CHRDL1: variants seen among roughly 807,000 people sequenced by gnomAD.
CHRDL1 encodes chordin-like protein 1.
A neutral mutation model predicts 40.9 loss-of-function variants in CHRDL1; 19 were observed. That is an observed-to-expected ratio of 0.46 (90% confidence interval 0.32 to 0.68). The LOEUF (loss-of-function observed/expected upper bound fraction) is 0.68. Ranked by LOEUF, CHRDL1 falls within the 30% of genes least tolerant of loss-of-function variation. The probability of loss-of-function intolerance (pLI) is 0.03; values close to 1 mark genes in which losing one functional copy is unlikely to be tolerated. For missense variants in CHRDL1, 329 were observed against 352.1 expected (o/e 0.93, Z 0.53); for synonymous variants, 136 against 123.4 (o/e 1.10, Z -0.68).
chrX:110,734,240 G>A (rs756931664), intron 4 of CHRDL1, among the ~76,000 whole-genome samples: 1 of 111,622 alleles, frequency 9.0e-6, no homozygotes, highest in Non-Finnish European at 1.9e-5. Context: ...ATACAAAGCA[G>A]GGGGGCTGAG....
rs902802144 is a variant in CHRDL1, at chrX:110,786,750, C to T, written c.94+5338G>A. Among the ~76,000 whole-genome samples, 27 of 112,420 alleles carry T rather than the reference C, an allele frequency of 2.4e-4. No individual in the cohort carries two copies. In the Admixed American group the frequency reaches 2.5e-3, roughly 11 times the overall value. On this transcript the variant is annotated intron_variant, in intron 2 of 11. Transcript: ENST00000372042. Reference sequence around the variant, plus strand: ...ACGCACATACTTTTAACCTTCCTCACTACTTTCCTTTGGCTTAGCAAATGT... The same window carrying T: ...ACGCACATACTTTTAACCTTCCTCATTACTTTCCTTTGGCTTAGCAAATGT...
rs1170824679 is a variant in CHRDL1 at position 110,676,444 on chromosome X, T to C, written c.1247-83A>G. 2.4e-5 allele frequency: 22 copies of C among 918,358 alleles called. No individual in the cohort carries two copies. In the South Asian group the frequency reaches 5.4e-4, roughly 23 times the overall value. 75.7% of individuals were successfully genotyped at this position (918,358 alleles called of 1,213,427 possible). A position where few individuals can be genotyped will look rare whatever the true frequency, so the allele number is the denominator to read the frequency against. On this transcript the variant is annotated intron_variant, in intron 11 of 11. Transcript: ENST00000372042. ...TTAGGAATAGAACCAATATACCCCA[T>C]GCTTACCCACTTACTCATGGACCTA...
chrX:110,750,659 T>C (rs1210544487), intron 4 of CHRDL1, among the ~76,000 whole-genome samples: 1 of 111,898 alleles, frequency 8.9e-6, no homozygotes, highest in African/African-American at 3.2e-5. Context: ...ATGCCATTCA[T>C]TTCTCGCCAA....
At chrX:110,768,794 T>C (rs2089706226) in intron 2 of CHRDL1, among the ~76,000 whole-genome samples, 1 of 111,191 alleles carries the variant, frequency 9.0e-6, no homozygotes, top group Admixed American at 9.5e-5. Context: ...GAGCCACTAA[T>C]GGCTTCTTTG....
intron 2 of CHRDL1, among the ~76,000 whole-genome samples, chrX:110,770,428 T>C (rs1365154182): frequency 9.0e-6 from 1 of 110,559 alleles, no homozygotes; most frequent in Non-Finnish European, 1.9e-5. Context: ...TAGAAGGAAA[T>C]TCGTATCACT....
chrX:110,782,494 A>G (rs1172118460), intron 2 of CHRDL1, among the ~76,000 whole-genome samples: 2 of 112,537 alleles, frequency 1.8e-5, no homozygotes, highest in Non-Finnish European at 3.8e-5. Flanking sequence ...GAGCTTCCAC[A>G]TATTCTTTAC....
chrX:110,739,718 T>G (rs2071328819), intron 4 of CHRDL1, among the ~76,000 whole-genome samples: 1 of 112,555 alleles, frequency 8.9e-6, no homozygotes, highest in Admixed American at 9.4e-5. Context: ...ATATTCCTTC[T>G]TCTAAAATCA....
chrX:110,748,134 A>G (rs2089291628), intron 4 of CHRDL1, among the ~76,000 whole-genome samples: 1 of 111,870 alleles, frequency 8.9e-6, no homozygotes, highest in South Asian at 3.7e-4. Flanking sequence ...AACTTGGTGA[A>G]GGCCCCTGTC....
intron 5 of CHRDL1, 35 bp downstream of exon 5, chrX:110,721,350 G>A (rs2070947714): frequency 1.7e-6 from 2 of 1,182,265 alleles, no homozygotes; most frequent in Admixed American, 2.2e-5. Context: ...TATTTGAGTA[G>A]GGCCTAGCAG....
At chrX:110,762,922 C>A in intron 2 of CHRDL1, 115 bp from the exon 3 acceptor site, 2 of 500,652 alleles carry the variant, frequency 4.0e-6, no homozygotes, top group East Asian at 7.4e-5. Flanking sequence ...AGTGGCATAG[C>A]AAGTATTTAT....
At chrX:110,705,304 T>TATATATACACACAC (rs1491498596) in intron 6 of CHRDL1, among the ~76,000 whole-genome samples, 1 of 77,619 alleles carries the variant, frequency 1.3e-5, no homozygotes, top group African/African-American at 5.7e-5. Context: ...TATATATATA[T>TATATATACACACAC]ACACACACAC....
chrX:110,700,437 T>C (rs748805387), intron 7 of CHRDL1, among the ~76,000 whole-genome samples: 2 of 111,912 alleles, frequency 1.8e-5, no homozygotes, highest in Admixed American at 1.9e-4. Flanking sequence ...GGGGCTATGG[T>C]TTCTTTGTGC....
At chrX:110,732,011 A>AAAT (rs1266504748) in intron 4 of CHRDL1, among the ~76,000 whole-genome samples, 3 of 111,380 alleles carry the variant, frequency 2.7e-5, no homozygotes, top group African/African-American at 6.5e-5. Context: ...CAAAAAAAAA[A>AAAT]AATAACCTCC....
chrX:110,762,270 T>G (rs1444813659), intron 3 of CHRDL1, among the ~76,000 whole-genome samples: 1 of 111,845 alleles, frequency 8.9e-6, no homozygotes, highest in African/African-American at 3.2e-5. Context: ...TGCAATCGTC[T>G]TCTTACTTTC....
intron 4 of CHRDL1, among the ~76,000 whole-genome samples, chrX:110,747,959 T>A (rs1406886875): frequency 1.8e-5 from 2 of 112,532 alleles, no homozygotes; most frequent in Non-Finnish European, 3.7e-5. Context: ...GCTATTAATA[T>A]AATATATTGA....
chrX:110,701,660 G>A (rs57451727), intron 6 of CHRDL1, among the ~76,000 whole-genome samples: 11,891 of 110,603 alleles, frequency 0.11, 1,557 homozygotes, highest in African/African-American at 0.37. Flanking sequence ...CAGAAAATAC[G>A]AAAACTAGCT....
At chrX:110,700,839 C>T in intron 6 of CHRDL1, 118 bp from the exon 7 acceptor site, 1 of 461,270 alleles carries the variant, frequency 2.2e-6, no homozygotes, top group South Asian at 4.7e-5. Context: ...AGTGTTTTTG[C>T]TTTTGTGGCT....
intron 8 of CHRDL1, among the ~76,000 whole-genome samples, chrX:110,692,050 C>A (rs2070290932): frequency 9.0e-6 from 1 of 110,990 alleles, no homozygotes. Context: ...CCTATCATTT[C>A]TCTTATTTGA....
chrX:110,745,017 C>A (rs1428947561), intron 4 of CHRDL1, among the ~76,000 whole-genome samples: 1 of 109,990 alleles, frequency 9.1e-6, no homozygotes, highest in East Asian at 2.9e-4. Flanking sequence ...CAATGTCACC[C>A]ACTCCAACAT....
Sources: allele counts gnomAD v4.1 joint callset (sites outside exome capture counted in the v4.1 genomes callset), GRCh38; gene constraint gnomAD v4.1.1; transcripts MANE v1.5; gene names NCBI Gene and HGNC (gene_info 2026-07-23, HGNC 2026-07-21).